Variants in TNRC6A observed in about 807,000 individuals in gnomAD.
TNRC6A encodes trinucleotide repeat-containing gene 6A protein.
A neutral mutation model predicts 221.2 loss-of-function variants in TNRC6A; 44 were observed. That is an observed-to-expected ratio of 0.20 (90% CI 0.16 to 0.26). The LOEUF is 0.26. TNRC6A is among the 10% of genes least tolerant of loss of function. The pLI, the probability that TNRC6A is intolerant of heterozygous loss-of-function variation, is 1.00. For synonymous variants in TNRC6A, 847 were observed against 838.5 expected (o/e 1.01, Z -0.18); for missense variants, 2,199 against 2,404.4 (o/e 0.91, Z 1.79).
intron 4 of TNRC6A, among the ~76,000 whole-genome samples, chr16:24,766,627 A>G (rs1189695575): frequency 7.1e-6 from 1 of 140,370 alleles, no homozygotes; most frequent in Non-Finnish European, 1.6e-5. Context: ...TTTGACTTGT[A>G]TTTATTTGTT....
At position 24,822,793 on chromosome 16, in the gene TNRC6A, G is replaced by A. The variant is rs923010740; in HGVS notation, c.5374-81G>A. 7.3e-5 allele frequency: 114 copies of A among 1,563,096 alleles called. No individual in the cohort carries two copies. In the African/African-American group the frequency reaches 1.4e-3, roughly 19 times the overall value. On this transcript the variant is annotated intron_variant, in intron 23 of 24. Coordinates refer to ENST00000395799, the MANE Select transcript of TNRC6A (RefSeq NM_014494.4). ...CACAGAGCCTCAGGAAAGAGAGGAG[G>A]GGCAGCAGTGCAGCCTGAAACAGCC...
chr16:24,771,582 T>TTATGTTGTTATGTTA, intron 4 of TNRC6A, among the ~76,000 whole-genome samples: 2,098 of 95,272 alleles, frequency 0.022, 61 homozygotes, highest in East Asian at 0.057. Flanking sequence ...TTATGTTATG[T>TTATGTTGTTATGTTA]TGTTATGTTA....
In TNRC6A at chr16:24,818,675, C is replaced by T. The variant is rs748229749; in HGVS notation, c.5055C>T (p.Leu1685=). ...GTGCCTCCAACTACAACGTTCCCCT[C>T]AGCAGTACAGCACAAAGCACTTCAG... The part of the protein sequence containing the change: ...SIRASNYNVP[L]SSTAQSTSAR... The change falls in exon 21 of 25, where the codon CTC becomes CTT. Residue 1685 remains leucine (L), a synonymous_variant. Coordinates refer to ENST00000395799, the MANE Select transcript of TNRC6A (RefSeq NM_014494.4). The T allele has an allele frequency of 6.2e-7, 1 of 1,614,154 alleles. No homozygotes were observed. The highest frequency in any genetic ancestry group is 1.3e-5 in the African/African-American group (1 of 75,044).
At chr16:24,657,974 A>G (rs1214335985) in intron 2 of TNRC6A, among the ~76,000 whole-genome samples, 9 of 151,886 alleles carry the variant, frequency 5.9e-5, no homozygotes, top group Admixed American at 5.9e-4. Flanking sequence ...TTCATAAGTG[A>G]GTTTTGTTAT....
At chr16:24,613,277 T>C (rs1900158089) in intron 1 of TNRC6A, among the ~76,000 whole-genome samples, 3 of 151,552 alleles carry the variant, frequency 2.0e-5, no homozygotes, top group Admixed American at 1.3e-4. Flanking sequence ...AGGTGGCGTG[T>C]GTGAAGGCCT....
At chr16:24,716,955 CAAAAAAAAAAAAAG>C (rs1455076219) in intron 2 of TNRC6A, among the ~76,000 whole-genome samples, 16 of 75,162 alleles carry the variant, frequency 2.1e-4, no homozygotes, top group South Asian at 7.4e-4. Flanking sequence ...GACTCCATCT[CAAAAAAAAAAAAAG>C]AAAAAAAAAA....
At chr16:24,805,373 A>T in intron 14 of TNRC6A, 2 of 926,714 alleles carry the variant, frequency 2.2e-6, no homozygotes, top group South Asian at 3.6e-5. Flanking sequence ...TCTTGAGAGT[A>T]GGACAAAAGC....
intron 2 of TNRC6A, among the ~76,000 whole-genome samples, chr16:24,716,789 C>G (rs2056320824): frequency 6.6e-6 from 1 of 151,678 alleles, no homozygotes; most frequent in Non-Finnish European, 1.5e-5. Context: ...GAAACCCCGT[C>G]TCTACGAAAA....
intron 2 of TNRC6A, among the ~76,000 whole-genome samples, chr16:24,741,117 T>C (rs1215589258): frequency 1.3e-5 from 2 of 152,222 alleles, no homozygotes; most frequent in African/African-American, 4.8e-5. Flanking sequence ...TTACATCTTC[T>C]TTTCCAATTT....
At position 24,697,002 on chromosome 16, in the gene TNRC6A, GT is replaced by G. The variant is rs750496026; in HGVS notation, n.403-53722del. ...CAGCTAGATAGGAAAGATGAGTTCTGTTGTTCCGCAGCACTAGTTAGTGAGT... is the reference window on the plus strand; with the variant it reads ...CAGCTAGATAGGAAAGATGAGTTCTGTGTTCCGCAGCACTAGTTAGTGAGT... On this transcript the variant is annotated intron_variant and non_coding_transcript_variant, in intron 2 of 2. Coordinates refer to the TNRC6A transcript ENST00000566108. 6.5e-4 allele frequency among the ~76,000 whole-genome samples: 99 copies of G among 152,238 alleles called. 1 individual carries two copies. The highest frequency in any genetic ancestry group is 4.4e-4 in the Non-Finnish European group (30 of 68,010).
In TNRC6A at chr16:24,764,736, A is replaced by G. The variant is rs968279501; in HGVS notation, c.163+6376A>G. Among the ~76,000 whole-genome samples, 3 of 152,210 alleles carry G rather than the reference A, an allele frequency of 2.0e-5. No homozygotes were observed. The East Asian group carries it at 5.8e-4, about 29-fold the overall frequency. On this transcript the variant is annotated intron_variant, in intron 4 of 24. Transcript: ENST00000395799. ...GGTATTTCTACATGGTTCTGATTTC[A>G]TTTCCTTTGGGTATACAGTAATCCC... is the stretch of plus-strand genomic sequence containing the variant.
intron 1 of TNRC6A, among the ~76,000 whole-genome samples, chr16:24,629,311 G>A (rs1417238117): frequency 6.6e-6 from 1 of 152,096 alleles, no homozygotes. Context: ...TGACAAGGCT[G>A]ACTTATAAAT....
At chr16:24,708,068 A>ACAC (rs1555492236) in intron 2 of TNRC6A, among the ~76,000 whole-genome samples, 1 of 150,540 alleles carries the variant, frequency 6.6e-6, no homozygotes, top group Non-Finnish European at 1.5e-5. Context: ...AAAAAAAAAA[A>ACAC]ACACACACAC....
intron 2 of TNRC6A, among the ~76,000 whole-genome samples, chr16:24,733,201 C>G (rs1248248780): frequency 6.6e-6 from 1 of 152,068 alleles, no homozygotes; most frequent in Non-Finnish European, 1.5e-5. Context: ...GAGTGAAACT[C>G]TGTCTGAAAA....
In TNRC6A at chr16:24,789,355, C is replaced by A. The variant is rs772670044; in HGVS notation, c.713C>A (p.Ala238Glu). ...AVVSDLSEKEAWPSAPGSDPE... is the reference protein window; with the variant it reads ...AVVSDLSEKEEWPSAPGSDPE... ...GTAAGTGACTTGTCGGAAAAAGAAG[C>A]ATGGCCCTCAGCCCCTGGCAGTGAT... Residue 238 changes from alanine to glutamate, a missense_variant, in exon 6 of 25, where the codon GCA (alanine) becomes GAA (glutamate). Ala to Glu is a moderately radical substitution (Grantham distance 107, BLOSUM62 -1). Transcript: ENST00000395799. 22 of 1,614,200 alleles carry A rather than the reference C, an allele frequency of 1.4e-5. No homozygotes were observed. The South Asian group carries it at 2.0e-4, about 15-fold the overall frequency.
At chr16:24,738,022 C>G (rs192883779) in intron 2 of TNRC6A, among the ~76,000 whole-genome samples, 2 of 152,154 alleles carry the variant, frequency 1.3e-5, no homozygotes, top group African/African-American at 4.8e-5. Context: ...GAAAATCTTA[C>G]AAAGATAGGG....
intron 4 of TNRC6A, among the ~76,000 whole-genome samples, chr16:24,770,335 A>T (rs1450973508): frequency 6.6e-6 from 1 of 152,144 alleles, no homozygotes; most frequent in Non-Finnish European, 1.5e-5. Context: ...TATGATACAG[A>T]TAACTTGGGG....
chr16:24,696,041 G>A (rs1433182095), intron 2 of TNRC6A, among the ~76,000 whole-genome samples: 1 of 152,148 alleles, frequency 6.6e-6, no homozygotes, highest in East Asian at 1.9e-4. Flanking sequence ...ACTCCACTGC[G>A]CTTTTTATGT....
intron 5 of TNRC6A, chr16:24,778,283 T>C: frequency 1.0e-6 from 1 of 985,148 alleles, no homozygotes; most frequent in Middle Eastern, 5.2e-4. Context: ...TCTATACCTG[T>C]GCTCTCTTTT....
Sources: allele counts gnomAD v4.1 joint callset (sites outside exome capture counted in the v4.1 genomes callset), GRCh38; gene constraint gnomAD v4.1.1; transcripts MANE v1.5; gene names NCBI Gene and HGNC (gene_info 2026-07-23, HGNC 2026-07-21).